Variants in TRIO observed in about 807,000 individuals in gnomAD.
TRIO encodes the protein triple functional domain protein.
TRIO carries 58 observed loss-of-function variants against 351.9 expected under a neutral mutation model. That is an observed-to-expected ratio of 0.16 (90% CI 0.13 to 0.21). The LOEUF (loss-of-function observed/expected upper bound fraction) is 0.21, where lower values mean the gene tolerates loss of function less well. Among genes scored for constraint, TRIO ranks in the 10% least tolerant of loss-of-function variants. The pLI is 1.00. For synonymous variants in TRIO, 1,758 were observed against 1,595.7 expected (o/e 1.10, Z -2.42); for missense variants, 3,201 against 4,027.8 (o/e 0.79, Z 5.56).
At chr5:14,276,710 A>T (rs1735549626) in intron 2 of TRIO, among the ~76,000 whole-genome samples, 1 of 152,090 alleles carries the variant, frequency 6.6e-6, no homozygotes, top group Admixed American at 6.6e-5. Context: ...TTTACATTTT[A>T]CTCCTCAAAG....
chr5:14,488,724 G>C, intron 48 of TRIO: 1 of 577,910 alleles, frequency 1.7e-6, no homozygotes, highest in Middle Eastern at 4.6e-4. Context: ...ATCTGCTGGG[G>C]AAGACCATTC....
chr5:14,486,788 G>C (rs569562347), intron 47 of TRIO, among the ~76,000 whole-genome samples: 1 of 152,212 alleles, frequency 6.6e-6, no homozygotes, highest in African/African-American at 2.4e-5. Flanking sequence ...AAGAGGCTGT[G>C]GCCAGCACAG....
intron 26 of TRIO, chr5:14,390,535 G>A (rs1421398997): frequency 1.8e-6 from 1 of 563,500 alleles, no homozygotes; most frequent in East Asian, 3.0e-5. Context: ...CCAGGTCTCC[G>A]CTTGACCCTG....
At chr5:14,495,735 A>G (rs1756847877) in intron 49 of TRIO, among the ~76,000 whole-genome samples, 1 of 149,614 alleles carries the variant, frequency 6.7e-6, no homozygotes, top group Admixed American at 6.6e-5. Context: ...TTGGGAGGCC[A>G]AGACGGGTGG....
intron 8 of TRIO, among the ~76,000 whole-genome samples, chr5:14,312,974 A>T (rs1739058901): frequency 6.6e-6 from 1 of 152,248 alleles, no homozygotes; most frequent in South Asian, 2.1e-4. Context: ...TATATATGCC[A>T]TCCTTTATGT....
chr5:14,174,427 G>C (rs1027289027), intron 1 of TRIO, among the ~76,000 whole-genome samples: 1 of 152,164 alleles, frequency 6.6e-6, no homozygotes, highest in Non-Finnish European at 1.5e-5. Flanking sequence ...TTCTCCCTAG[G>C]GGTCGGCTTT....
chr5:14,289,461 G>A (rs1179389853), intron 4 of TRIO, among the ~76,000 whole-genome samples: 2 of 152,160 alleles, frequency 1.3e-5, no homozygotes, highest in Non-Finnish European at 2.9e-5. Context: ...CTTAAGATGG[G>A]AGGATGGCTT....
At chr5:14,396,409 G>A (rs1402761226) in intron 28 of TRIO, among the ~76,000 whole-genome samples, 3 of 138,458 alleles carry the variant, frequency 2.2e-5, no homozygotes, top group East Asian at 4.8e-4. Flanking sequence ...GTAGCTGATG[G>A]TGTGTTACAT....
chr5:14,434,241 T>C (rs1247319662), intron 34 of TRIO, among the ~76,000 whole-genome samples: 1 of 152,236 alleles, frequency 6.6e-6, no homozygotes, highest in Non-Finnish European at 1.5e-5. Context: ...AAAATAAGAT[T>C]GACTATTGTA....
chr5:14,439,912 A>G (rs1191512449), intron 34 of TRIO, among the ~76,000 whole-genome samples: 1 of 152,198 alleles, frequency 6.6e-6, no homozygotes, highest in Non-Finnish European at 1.5e-5. Context: ...TGATTTTTAT[A>G]GTAGTTAATT....
intron 49 of TRIO, 61 bp downstream of exon 49, chr5:14,492,875 T>C: frequency 6.3e-7 from 1 of 1,590,412 alleles, no homozygotes; most frequent in South Asian, 1.1e-5. Flanking sequence ...ACAGCACCCG[T>C]GAGGCACACG....
rs550720182 is a variant in TRIO at position 14,448,423 on chromosome 5, A to C, written c.5204-12596A>C. Among the ~76,000 whole-genome samples the C allele has an allele frequency of 7.9e-5, 12 of 152,366 alleles. No individual in the cohort carries two copies. In the East Asian group the frequency reaches 2.3e-3, roughly 29 times the overall value. On this transcript the variant is annotated intron_variant, in intron 34 of 56. Coordinates refer to ENST00000344204, the MANE Select transcript of TRIO (RefSeq NM_007118.4). ...ATCAGAGCGTGGGTTGTCTCACAGC[A>C]GGCCTAGACGTGGCCTTATGCCTGT...
intron 9 of TRIO, 72 bp from the exon 10 acceptor site, chr5:14,330,706 A>G (rs1561349733): frequency 1.3e-6 from 2 of 1,504,004 alleles, no homozygotes; most frequent in Non-Finnish European, 1.8e-6. Flanking sequence ...AGGGGTCTTC[A>G]TTGGATAACC....
At chr5:14,292,024 C>T (rs761352045) in intron 5 of TRIO, among the ~76,000 whole-genome samples, 2 of 152,126 alleles carry the variant, frequency 1.3e-5, no homozygotes, top group Non-Finnish European at 2.9e-5. Context: ...CTAATTGAAT[C>T]TTAGCAATGT....
intron 18 of TRIO, among the ~76,000 whole-genome samples, chr5:14,370,838 C>T (rs780916192): frequency 3.3e-5 from 5 of 152,144 alleles, no homozygotes; most frequent in Non-Finnish European, 4.4e-5. Flanking sequence ...TAGAATTTTC[C>T]CCTTTGTCCA....
intron 18 of TRIO, among the ~76,000 whole-genome samples, chr5:14,373,580 A>T (rs1475072464): frequency 6.6e-6 from 1 of 152,214 alleles, no homozygotes; most frequent in African/African-American, 2.4e-5. Context: ...ATTTTAAAAT[A>T]TGTGAATGAA....
chr5:14,303,581 A>G (rs554924785), intron 7 of TRIO, among the ~76,000 whole-genome samples: 1 of 137,826 alleles, frequency 7.3e-6, no homozygotes, highest in East Asian at 2.2e-4. Context: ...AGTGGAGGAG[A>G]TTGAACCAGG....
At chr5:14,166,139 C>T (rs1317805699) in intron 1 of TRIO, among the ~76,000 whole-genome samples, 5 of 152,228 alleles carry the variant, frequency 3.3e-5, no homozygotes, top group African/African-American at 9.6e-5. Flanking sequence ...TAGGGGGATG[C>T]TCCCGGTGGA....
At chr5:14,171,750 AAAGC>A (rs1251111596) in intron 1 of TRIO, among the ~76,000 whole-genome samples, 1 of 152,178 alleles carries the variant, frequency 6.6e-6, no homozygotes, top group Non-Finnish European at 1.5e-5. Context: ...ATAAAATTAA[AAAGC>A]AAGAAAGAGA....
Sources: gnomAD v4.1 joint callset for allele counts (sites outside exome capture counted in the v4.1 genomes callset) on GRCh38, gnomAD v4.1.1 for gene constraint, MANE v1.5 for transcripts, NCBI Gene and HGNC (gene_info 2026-07-23, HGNC 2026-07-21) for gene names.